The following SSBP2 variants were observed in gnomAD, a reference collection of about 807,000 sequenced individuals.
SSBP2 encodes single-stranded DNA-binding protein 2.
A neutral mutation model predicts 61.8 loss-of-function variants in SSBP2; 17 were observed. The observed-to-expected ratio is 0.28, with a 90% CI of 0.19 to 0.41. The LOEUF is 0.41. Among genes scored for constraint, SSBP2 ranks in the 10% least tolerant of loss-of-function variants. The pLI, the probability that SSBP2 is intolerant of heterozygous loss-of-function variation, is 1.00. For missense variants in SSBP2, 310 were observed against 458.7 expected, an observed-to-expected ratio of 0.68 and a Z score of 2.96; for synonymous variants, 139 against 141.3, an observed-to-expected ratio of 0.98 and a Z score of 0.12.
chr5:81,541,205 C>T (rs1467364335), intron 4 of SSBP2, among the ~76,000 whole-genome samples: 1 of 152,090 alleles, frequency 6.6e-6, no homozygotes, highest in Non-Finnish European at 1.5e-5. Flanking sequence ...AGGAATACAT[C>T]TAACCAAGTA....
chr5:81,470,215 T>C (rs1401083546), intron 8 of SSBP2, among the ~76,000 whole-genome samples: 1 of 151,940 alleles, frequency 6.6e-6, no homozygotes, highest in East Asian at 1.9e-4. Context: ...GTAGTTTTGG[T>C]TAATCACGTG....
intron 4 of SSBP2, among the ~76,000 whole-genome samples, chr5:81,613,499 C>T (rs1745659360): frequency 6.6e-6 from 1 of 152,124 alleles, no homozygotes; most frequent in Non-Finnish European, 1.5e-5. Context: ...ATCATTTATC[C>T]AAGGCTTTTA....
chr5:81,658,291 A>G (rs1025121710), intron 1 of SSBP2, among the ~76,000 whole-genome samples: 1 of 152,086 alleles, frequency 6.6e-6, no homozygotes, highest in Non-Finnish European at 1.5e-5. Context: ...ATTCCATACA[A>G]CTGAGCCTCC....
chr5:81,531,423 C>T (rs1321965884), intron 4 of SSBP2, among the ~76,000 whole-genome samples: 1 of 151,752 alleles, frequency 6.6e-6, no homozygotes, highest in Non-Finnish European at 1.5e-5. Flanking sequence ...GATTATAGTC[C>T]TAAAGGAATT....
chr5:81,472,402 T>G (rs984262896), intron 8 of SSBP2, among the ~76,000 whole-genome samples: 2 of 152,180 alleles, frequency 1.3e-5, no homozygotes, highest in African/African-American at 4.8e-5. Context: ...AGCTAACATC[T>G]GATGTATACT....
intron 4 of SSBP2, among the ~76,000 whole-genome samples, chr5:81,597,518 A>G (rs1053854722): frequency 1.2e-4 from 18 of 152,184 alleles, no homozygotes; most frequent in African/African-American, 4.1e-4. Context: ...GTATATACCC[A>G]AAGGATTATA....
At chr5:81,682,471 A>C (rs909611116) in intron 1 of SSBP2, among the ~76,000 whole-genome samples, 2 of 152,204 alleles carry the variant, frequency 1.3e-5, no homozygotes, top group African/African-American at 2.4e-5. Flanking sequence ...GATAAAATCC[A>C]ACACCCATTC....
intron 4 of SSBP2, among the ~76,000 whole-genome samples, chr5:81,550,487 G>T (rs1358108447): frequency 6.6e-6 from 1 of 152,058 alleles, no homozygotes; most frequent in African/African-American, 2.4e-5. Flanking sequence ...AAAATGAAAA[G>T]TAATCATTTA....
intron 5 of SSBP2, among the ~76,000 whole-genome samples, chr5:81,496,946 T>C (rs530182379): frequency 6.6e-6 from 1 of 152,328 alleles, no homozygotes; most frequent in South Asian, 2.1e-4. Context: ...CCTCAGCAAC[T>C]GTGCAACCAT....
At chr5:81,670,070 T>A (rs145273437) in intron 1 of SSBP2, among the ~76,000 whole-genome samples, 1 of 152,148 alleles carries the variant, frequency 6.6e-6, no homozygotes, top group Non-Finnish European at 1.5e-5. Context: ...CTACCTTGTA[T>A]GCTACTACAA....
intron 1 of SSBP2, among the ~76,000 whole-genome samples, chr5:81,687,794 G>A (rs1752928161): frequency 6.6e-6 from 1 of 152,140 alleles, no homozygotes; most frequent in South Asian, 2.1e-4. Flanking sequence ...CCCAGTCTTG[G>A]CAGGATTCAT....
chr5:81,617,102 G>A (rs1746146465), intron 3 of SSBP2, among the ~76,000 whole-genome samples: 1 of 78,548 alleles, frequency 1.3e-5, no homozygotes, highest in Non-Finnish European at 2.5e-5. Flanking sequence ...GCTGGATGGA[G>A]AATGATTTTG....
chr5:81,540,666 A>G (rs1263341640), intron 4 of SSBP2, among the ~76,000 whole-genome samples: 10 of 152,284 alleles, frequency 6.6e-5, no homozygotes, highest in Admixed American at 5.9e-4. Context: ...TTTAGGTATA[A>G]TGCTATTGCA....
At chr5:81,597,190 G>GT (rs1165955840) in intron 4 of SSBP2, among the ~76,000 whole-genome samples, 1 of 152,182 alleles carries the variant, frequency 6.6e-6, no homozygotes, top group Non-Finnish European at 1.5e-5. Flanking sequence ...CCATCAAAAA[G>GT]TGGGTGAAGG....
chr5:81,467,913 T>C (rs187396743), intron 8 of SSBP2, among the ~76,000 whole-genome samples: 7 of 152,086 alleles, frequency 4.6e-5, no homozygotes, highest in African/African-American at 9.6e-5. Context: ...ATAAAACACA[T>C]TTATGAGTAA....
At chr5:81,488,978 C>T (rs1374637040) in intron 6 of SSBP2, among the ~76,000 whole-genome samples, 2 of 152,020 alleles carry the variant, frequency 1.3e-5, no homozygotes, top group South Asian at 2.1e-4. Context: ...CACATATGGT[C>T]TCTGCCATGA....
intron 10 of SSBP2, among the ~76,000 whole-genome samples, chr5:81,456,249 C>G (rs545735635): frequency 6.6e-6 from 1 of 151,932 alleles, no homozygotes; most frequent in Non-Finnish European, 1.5e-5. Context: ...GACAAGTGAG[C>G]GAATTAATGA....
Position 81,738,520 on chromosome 5 carries a change from C to T in SSBP2, c.62+12461G>A, listed in dbSNP as rs369460119. Among the ~76,000 whole-genome samples, 321 of 152,280 alleles carry T rather than the reference C, an allele frequency of 2.1e-3. 2 individuals are homozygous for T. Among genetic ancestry groups the T allele is most frequent in the African/African-American group, 7.2e-3 (300 of 41,546 alleles). On this transcript the variant is annotated intron_variant, in intron 1 of 16. Transcript: ENST00000320672. ...CCAAGTTCCTCCCAAACTTCTCCAT[C>T]GCTAGGTCTTAATGGCATCTCAAAC...
At chr5:81,425,266 A>T (rs1244827195) in intron 16 of SSBP2, among the ~76,000 whole-genome samples, 1 of 152,174 alleles carries the variant, frequency 6.6e-6, no homozygotes, top group Non-Finnish European at 1.5e-5. Context: ...TTTCTGTTTA[A>T]GTGTCTGTAT....
Sources: gnomAD v4.1 joint callset for allele counts (sites outside exome capture counted in the v4.1 genomes callset) on GRCh38, gnomAD v4.1.1 for gene constraint, MANE v1.5 for transcripts, NCBI Gene and HGNC (gene_info 2026-07-23, HGNC 2026-07-21) for gene names.